XIRP2: variants seen among roughly 807,000 people sequenced by gnomAD.
XIRP2 encodes the protein xin actin binding repeat containing 2, also known as xin actin-binding repeat-containing protein 2.
A neutral mutation model predicts 277.0 loss-of-function variants in XIRP2; 236 were observed. The observed-to-expected ratio is 0.85, with a 90% CI of 0.77 to 0.95. The LOEUF (loss-of-function observed/expected upper bound fraction) is 0.95, where lower values mean the gene tolerates loss of function less well. Ranked by LOEUF, XIRP2 falls within the 40% of genes least tolerant of loss-of-function variation. XIRP2 has a pLI of 0.00. For missense variants in XIRP2, 4,640 were observed against 4,157.5 expected (o/e 1.12, Z -3.19); for synonymous variants, 1,490 against 1,416.5 (o/e 1.05, Z -1.17).
In XIRP2 at chr2:167,251,737, T is replaced by C; in HGVS notation, c.10345T>C (p.Cys3449Arg). 1.2e-6 allele frequency: 2 copies of C among 1,613,380 alleles called. No individual in the cohort carries two copies. The highest frequency in any genetic ancestry group is 1.7e-6 in the Non-Finnish European group (2 of 1,179,594). Residue 3449 changes from cysteine to arginine, a missense_variant, in exon 9 of 11, where the codon TGT (cysteine) becomes CGT (arginine). Coordinates refer to ENST00000409195, the MANE Select transcript of XIRP2 (RefSeq NM_152381.6). ...SHSSEAGKSGCDFKHAPPTYE... is the reference protein window; with the variant it reads ...SHSSEAGKSGRDFKHAPPTYE... Reference sequence around the variant, plus strand: ...TAGCTCAGAAGCTGGCAAATCTGGCTGTGACTTCAAGCATGCCCCACCAAC... The same window carrying C: ...TAGCTCAGAAGCTGGCAAATCTGGCCGTGACTTCAAGCATGCCCCACCAAC...
intron 2 of XIRP2, among the ~76,000 whole-genome samples, chr2:167,041,653 C>T (rs865953927): frequency 1.3e-5 from 2 of 152,018 alleles, no homozygotes; most frequent in Admixed American, 1.3e-4. Context: ...AAAATGAACA[C>T]AATTTCCAAG....
rs755408315 is a variant in XIRP2 at position 167,248,475 on chromosome 2, G to T, written c.7083G>T (p.Ser2361=). 1.9e-6 allele frequency: 3 copies of T among 1,613,292 alleles called. No individual in the cohort carries two copies. Among genetic ancestry groups the T allele is most frequent in the African/African-American group, 2.7e-5 (2 of 74,746 alleles). ...AGAAATCTGAAAGAGAAAGTTCATC[G>T]ATGTTTCTGCCGCCTCCTCCTCCTC... ...VDEKSERESS[S]MFLPPPPPPT... Residue 2361 remains serine (S), a synonymous_variant, in exon 9 of 11, where the codon TCG becomes TCT. Transcript: ENST00000409195.
chr2:166,983,127 A>C (rs1462610339), intron 2 of XIRP2, among the ~76,000 whole-genome samples: 1 of 152,132 alleles, frequency 6.6e-6, no homozygotes, highest in Non-Finnish European at 1.5e-5. Context: ...AATATGAGCT[A>C]CTTGGCTATA....
intron 5 of XIRP2, among the ~76,000 whole-genome samples, chr2:167,221,696 G>A (rs1694438593): frequency 6.6e-6 from 1 of 152,048 alleles, no homozygotes; most frequent in African/African-American, 2.4e-5. Context: ...GTAAACACAG[G>A]TAGTTTATTC....
chr2:167,029,837 G>A (rs1688285331), intron 2 of XIRP2, among the ~76,000 whole-genome samples: 2 of 152,084 alleles, frequency 1.3e-5, no homozygotes, highest in African/African-American at 4.8e-5. Flanking sequence ...TCTGGTCCTG[G>A]GCATTTTTTG....
intron 2 of XIRP2, among the ~76,000 whole-genome samples, chr2:166,970,704 A>G (rs1686555847): frequency 6.6e-6 from 1 of 151,970 alleles, no homozygotes; most frequent in South Asian, 2.1e-4. Flanking sequence ...AGGTAGAAAT[A>G]TTTAGCCTAG....
At chr2:167,230,097 T>C (rs527405222) in intron 5 of XIRP2, among the ~76,000 whole-genome samples, 2 of 152,250 alleles carry the variant, frequency 1.3e-5, no homozygotes, top group South Asian at 2.1e-4. Flanking sequence ...CAAACTTGCT[T>C]ACCCTTGGGT....
At chr2:167,162,991 T>C (rs1374149156) in intron 3 of XIRP2, among the ~76,000 whole-genome samples, 1 of 152,184 alleles carries the variant, frequency 6.6e-6, no homozygotes, top group African/African-American at 2.4e-5. Context: ...ATAAATGTTG[T>C]TTATATCAGA....
At chr2:167,214,546 A>T (rs982802902) in intron 4 of XIRP2, among the ~76,000 whole-genome samples, 1 of 150,782 alleles carries the variant, frequency 6.6e-6, no homozygotes, top group Non-Finnish European at 1.5e-5. Flanking sequence ...TCTAAAGCGC[A>T]GGAAAGTAAT....
chr2:166,921,491 T>A (rs1357794813), intron 2 of XIRP2, among the ~76,000 whole-genome samples: 4 of 152,126 alleles, frequency 2.6e-5, no homozygotes, highest in Admixed American at 6.6e-5. Flanking sequence ...TTTACATACA[T>A]CGCTCCATCA....
At position 167,095,007 on chromosome 2, in the gene XIRP2, T is replaced by A. The variant is rs114280962; in HGVS notation, c.409-40902T>A. On this transcript the variant is annotated intron_variant, in intron 2 of 10. Coordinates refer to ENST00000409195, the MANE Select transcript of XIRP2 (RefSeq NM_152381.6). The stretch of plus-strand genomic sequence containing the variant: ...TCTTATTTCTTTGAGTGATGATTTG[T>A]AATTCCCCTAGAAGAGGTCCTTCAC... Among the ~76,000 whole-genome samples the A allele has an allele frequency of 2.7e-3, 412 of 152,332 alleles. 1 individual carries two copies. The highest frequency in any genetic ancestry group is 9.5e-3 in the African/African-American group (393 of 41,582).
At chr2:167,195,737 A>T (rs1377997905) in intron 3 of XIRP2, among the ~76,000 whole-genome samples, 1 of 152,194 alleles carries the variant, frequency 6.6e-6, no homozygotes, top group Non-Finnish European at 1.5e-5. Context: ...AAATCACAAG[A>T]TCAGAAATCA....
At chr2:167,162,919 A>G (rs1003923483) in intron 3 of XIRP2, among the ~76,000 whole-genome samples, 1 of 152,082 alleles carries the variant, frequency 6.6e-6, no homozygotes, top group Non-Finnish European at 1.5e-5. Context: ...CAATCATACA[A>G]TCTGTACTCT....
intron 2 of XIRP2, among the ~76,000 whole-genome samples, chr2:167,104,904 A>G (rs564766469): frequency 1.3e-5 from 2 of 152,120 alleles, no homozygotes; most frequent in South Asian, 2.1e-4. Flanking sequence ...CTTTTAGCTT[A>G]TTTGAGTCAC....
intron 3 of XIRP2, among the ~76,000 whole-genome samples, chr2:167,204,400 G>A (rs1347717897): frequency 6.6e-6 from 1 of 152,092 alleles, no homozygotes; most frequent in Non-Finnish European, 1.5e-5. Flanking sequence ...GATTTTGTTT[G>A]TTGTTGAACA....
At chr2:167,045,708 G>A (rs2105526661) in intron 2 of XIRP2, among the ~76,000 whole-genome samples, 1 of 152,104 alleles carries the variant, frequency 6.6e-6, no homozygotes, top group South Asian at 2.1e-4. Context: ...CAGTAAGAAT[G>A]GCTATAATTA....
At chr2:167,106,748 G>A (rs545673846) in intron 2 of XIRP2, among the ~76,000 whole-genome samples, 25 of 151,388 alleles carry the variant, frequency 1.7e-4, no homozygotes, top group African/African-American at 3.1e-4. Context: ...GGAATTTGTC[G>A]TATCTATATA....
At chr2:166,921,675 C>A (rs902563871) in intron 2 of XIRP2, among the ~76,000 whole-genome samples, 1 of 152,024 alleles carries the variant, frequency 6.6e-6, no homozygotes, top group African/African-American at 2.4e-5. Flanking sequence ...TTCAGCACTT[C>A]AGGAATGGAT....
intron 2 of XIRP2, among the ~76,000 whole-genome samples, chr2:167,105,986 T>TCA (rs1690607413): frequency 6.6e-6 from 1 of 151,548 alleles, no homozygotes; most frequent in Non-Finnish European, 1.5e-5. Context: ...TTTTGCCCAC[T>TCA]TTCTGCTTGG....
Sources: gnomAD v4.1 joint callset for allele counts (sites outside exome capture counted in the v4.1 genomes callset) on GRCh38, gnomAD v4.1.1 for gene constraint, MANE v1.5 for transcripts, NCBI Gene and HGNC (gene_info 2026-07-23, HGNC 2026-07-21) for gene names.